Variants in PDSS2 observed in about 807,000 individuals in gnomAD.
PDSS2 encodes all trans-polyprenyl-diphosphate synthase PDSS2.
PDSS2 carries 31 observed loss-of-function variants against 44.5 expected under a neutral mutation model. The ratio of observed to expected loss-of-function variants is 0.70; its 90% confidence interval spans 0.52 to 0.94. PDSS2 has a LOEUF of 0.94. Ranked by LOEUF, PDSS2 falls within the 40% of genes least tolerant of loss-of-function variation. PDSS2 has a pLI of 0.00. For synonymous variants in PDSS2, 157 were observed against 180.3 expected (o/e 0.87, Z 1.03); for missense variants, 452 against 482.2 (o/e 0.94, Z 0.59).
At chr6:107,405,553 T>C (rs1261934272) in intron 1 of PDSS2, among the ~76,000 whole-genome samples, 1 of 151,952 alleles carries the variant, frequency 6.6e-6, no homozygotes, top group East Asian at 1.9e-4. Flanking sequence ...ATGCTCCACT[T>C]AAAAGATACA....
intron 1 of PDSS2, among the ~76,000 whole-genome samples, chr6:107,438,369 G>A (rs764897606): frequency 2.6e-5 from 4 of 151,984 alleles, no homozygotes; most frequent in South Asian, 2.1e-4. Context: ...CCACCACACC[G>A]GCTAATTTTA....
intron 4 of PDSS2, among the ~76,000 whole-genome samples, chr6:107,233,792 G>A (rs1774132136): frequency 6.6e-6 from 1 of 151,958 alleles, no homozygotes; most frequent in Non-Finnish European, 1.5e-5. Context: ...TAGCCTGGGT[G>A]ACAGAGTGAG....
chr6:107,261,166 T>G (rs1775209032), intron 3 of PDSS2, among the ~76,000 whole-genome samples: 1 of 152,220 alleles, frequency 6.6e-6, no homozygotes, highest in African/African-American at 2.4e-5. Flanking sequence ...CTATCTCTTC[T>G]CCATCTATCC....
intron 1 of PDSS2, among the ~76,000 whole-genome samples, chr6:107,433,273 C>G (rs1249090022): frequency 1.3e-5 from 2 of 151,748 alleles, no homozygotes; most frequent in Middle Eastern, 3.4e-3. Flanking sequence ...AAAAAAAACC[C>G]TAAAATTTAT....
intron 3 of PDSS2, among the ~76,000 whole-genome samples, chr6:107,261,170 T>C (rs986380316): frequency 1.3e-5 from 2 of 152,218 alleles, no homozygotes; most frequent in Admixed American, 1.3e-4. Context: ...CTCTTCTCCA[T>C]CTATCCTTTC....
At chr6:107,311,670 G>C (rs1417420904) in intron 2 of PDSS2, among the ~76,000 whole-genome samples, 4 of 152,178 alleles carry the variant, frequency 2.6e-5, no homozygotes, top group Admixed American at 6.5e-5. Flanking sequence ...GGTAAATGTA[G>C]TTATTGAGAA....
intron 1 of PDSS2, among the ~76,000 whole-genome samples, chr6:107,457,875 G>A (rs752838371): frequency 6.6e-5 from 10 of 152,128 alleles, no homozygotes; most frequent in African/African-American, 1.7e-4. Flanking sequence ...TAACTGTAGC[G>A]TACTTACGTA....
At chr6:107,412,585 T>G (rs1308216960) in intron 1 of PDSS2, among the ~76,000 whole-genome samples, 1 of 152,176 alleles carries the variant, frequency 6.6e-6, no homozygotes, top group Non-Finnish European at 1.5e-5. Context: ...GTGCTAACTT[T>G]CCTTCTCTCC....
intron 7 of PDSS2, among the ~76,000 whole-genome samples, chr6:107,182,869 A>G (rs1386373636): frequency 6.6e-6 from 1 of 152,188 alleles, no homozygotes. Context: ...AGAGAAAAAT[A>G]ACTGGTTTAA....
At chr6:107,219,905 AT>A (rs1267093688) in intron 4 of PDSS2, among the ~76,000 whole-genome samples, 1 of 152,248 alleles carries the variant, frequency 6.6e-6, no homozygotes, top group Middle Eastern at 3.2e-3. Flanking sequence ...ATGGGTAGAT[AT>A]GGACATATAA....
At chr6:107,174,105 T>G (rs1771704545) in intron 7 of PDSS2, among the ~76,000 whole-genome samples, 1 of 152,106 alleles carries the variant, frequency 6.6e-6, no homozygotes, top group Non-Finnish European at 1.5e-5. Flanking sequence ...CTGGGGGCCA[T>G]GAGTCAAGAG....
At chr6:107,273,871 C>A (rs573964122) in intron 3 of PDSS2, among the ~76,000 whole-genome samples, 158 bp downstream of exon 3, 12 of 152,296 alleles carry the variant, frequency 7.9e-5, no homozygotes, top group Admixed American at 7.2e-4. Context: ...TTGCCTGGTA[C>A]TAACACTGCC....
At chr6:107,172,335 T>C (rs1194672665) in intron 7 of PDSS2, among the ~76,000 whole-genome samples, 2 of 152,146 alleles carry the variant, frequency 1.3e-5, no homozygotes, top group Non-Finnish European at 2.9e-5. Context: ...GGGTTCTGAG[T>C]AGTCTTAGGA....
chr6:107,395,299 C>G (rs1779907158), intron 1 of PDSS2, among the ~76,000 whole-genome samples: 1 of 151,956 alleles, frequency 6.6e-6, no homozygotes, highest in Non-Finnish European at 1.5e-5. Flanking sequence ...TGTTTGTGGC[C>G]TATTGAGCTT....
chr6:107,368,903 A>G (rs1021072170), intron 1 of PDSS2, among the ~76,000 whole-genome samples: 3 of 152,242 alleles, frequency 2.0e-5, no homozygotes, highest in East Asian at 1.9e-4. Context: ...GAGGACTTGT[A>G]CTACTACCTG....
chr6:107,212,194 T>C lies in PDSS2; in HGVS notation c.791A>G (p.Gln264Arg). 6.2e-7 allele frequency: 1 copy of C among 1,613,946 alleles called. No individual in the cohort carries two copies. The highest frequency in any genetic ancestry group is 8.5e-7 in the Non-Finnish European group (1 of 1,179,806). The part of the protein sequence containing the change: ...SHGALLAKSC[Q>R]AAMELAKHDA... ...ATGCTTTGCTAATTCCATTGCAGCTTGGCAGCTCTTTGCTAGTAAGGCACC... is the reference window on the plus strand; with the variant it reads ...ATGCTTTGCTAATTCCATTGCAGCTCGGCAGCTCTTTGCTAGTAAGGCACC... The change falls in exon 5 of 8, where the codon CAA becomes CGA. Residue 264 changes from glutamine (Q) to arginine (R), a missense_variant. Transcript: ENST00000369037.
chr6:107,201,145 G>A (rs1039212583), intron 6 of PDSS2, among the ~76,000 whole-genome samples: 3 of 151,928 alleles, frequency 2.0e-5, no homozygotes, highest in African/African-American at 7.3e-5. Context: ...TCATTACTAG[G>A]GTCTTTAAAA....
At chr6:107,391,854 ATTTTT>A (rs35833788) in intron 1 of PDSS2, among the ~76,000 whole-genome samples, 2 of 150,462 alleles carry the variant, frequency 1.3e-5, no homozygotes, top group African/African-American at 4.9e-5. Context: ...ATACATGCTC[ATTTTT>A]TTTTAAGACT....
intron 1 of PDSS2, among the ~76,000 whole-genome samples, chr6:107,338,876 G>C (rs1777991159): frequency 6.6e-6 from 1 of 150,922 alleles, no homozygotes; most frequent in South Asian, 2.1e-4. Flanking sequence ...AGAGGAGATA[G>C]ATCTAGTAAG....
Sources: allele counts gnomAD v4.1 joint callset (sites outside exome capture counted in the v4.1 genomes callset), GRCh38; gene constraint gnomAD v4.1.1; transcripts MANE v1.5; gene names NCBI Gene and HGNC (gene_info 2026-07-23, HGNC 2026-07-21).